Variants in SUN5 observed in about 807,000 individuals in gnomAD.
SUN5 encodes SUN domain-containing protein 5.
SUN5 carries 44 observed loss-of-function variants against 53.7 expected under a neutral mutation model. That is an observed-to-expected ratio of 0.82 (90% CI 0.64 to 1.05). The LOEUF (loss-of-function observed/expected upper bound fraction) is 1.05. Ranked by LOEUF, SUN5 falls within the 50% of genes least tolerant of loss-of-function variation. SUN5 has a pLI of 0.00. For synonymous variants in SUN5, 166 were observed against 179.8 expected (o/e 0.92, Z 0.62); for missense variants, 433 against 483.8 (o/e 0.90, Z 0.98).
intron 8 of SUN5, among the ~76,000 whole-genome samples, chr20:32,990,277 T>C (rs549847913): frequency 1.3e-5 from 2 of 152,266 alleles, no homozygotes; most frequent in East Asian, 3.9e-4. Flanking sequence ...GGTTCCAGAG[T>C]TCAGGCCCTT....
intron 5 of SUN5, among the ~76,000 whole-genome samples, chr20:32,998,270 T>C (rs1989907238): frequency 6.6e-6 from 1 of 151,794 alleles, no homozygotes; most frequent in Non-Finnish European, 1.5e-5. Context: ...GGAGGATCAC[T>C]TGTGCCAGGA....
chr20:33,001,721 T>A (rs1286436934), intron 3 of SUN5, among the ~76,000 whole-genome samples: 1 of 124,000 alleles, frequency 8.1e-6, no homozygotes, highest in African/African-American at 3.1e-5. Context: ...CAGGCTGGAG[T>A]GCAGTGGCAT....
chr20:32,988,217 C>A (rs1342469851), intron 9 of SUN5, among the ~76,000 whole-genome samples: 1 of 152,178 alleles, frequency 6.6e-6, no homozygotes, highest in Non-Finnish European at 1.5e-5. Context: ...GTGATGACGA[C>A]CGACACCCAT....
intron 4 of SUN5, 149 bp downstream of exon 4, chr20:33,001,063 G>T: frequency 1.2e-6 from 1 of 815,372 alleles, no homozygotes; most frequent in Non-Finnish European, 2.0e-6. Context: ...AGTGGGTTCT[G>T]GGGTGGGAGT....
rs979328364 is a variant in SUN5 at position 33,001,403 on chromosome 20, C to T, written c.212-125G>A. 29 of 1,059,942 alleles carry T rather than the reference C, an allele frequency of 2.7e-5. No individual in the cohort carries two copies. The Admixed American group carries it at 3.7e-4, about 13-fold the overall frequency. 65.7% of individuals were successfully genotyped at this position (1,059,942 alleles called of 1,614,324 possible). A position where few individuals can be genotyped will look rare whatever the true frequency, so the allele number is the denominator to read the frequency against. On this transcript the variant is annotated intron_variant, in intron 3 of 12. Transcript: ENST00000356173. Reference sequence around the variant, plus strand: ...TGGGAGACCCTCTCGACTTGTTGGCCGAGCCTGGGACAGAACCAGGCTCTG... The same window carrying T: ...TGGGAGACCCTCTCGACTTGTTGGCTGAGCCTGGGACAGAACCAGGCTCTG...
At chr20:32,993,677 G>C (rs1421926554) in intron 8 of SUN5, among the ~76,000 whole-genome samples, 1 of 152,176 alleles carries the variant, frequency 6.6e-6, no homozygotes, top group African/African-American at 2.4e-5. Context: ...AACACAACAA[G>C]CAAGAGATCA....
intron 9 of SUN5, among the ~76,000 whole-genome samples, chr20:32,989,358 A>G (rs1989643754): frequency 1.3e-5 from 2 of 152,152 alleles, no homozygotes; most frequent in Non-Finnish European, 2.9e-5. Flanking sequence ...AGCACATAGT[A>G]GGGTCTTTAT....
intron 1 of SUN5, among the ~76,000 whole-genome samples, chr20:33,003,989 C>T (rs899192691): frequency 6.6e-6 from 1 of 152,232 alleles, no homozygotes; most frequent in Non-Finnish European, 1.5e-5. Flanking sequence ...CATGAGGGAA[C>T]GGAGCACATC....
At chr20:32,987,615 G>T in intron 10 of SUN5, 45 bp downstream of exon 10, 1 of 1,160,470 alleles carries the variant, frequency 8.6e-7, no homozygotes, top group Non-Finnish European at 1.1e-6. Flanking sequence ...AACCCTGCCC[G>T]GACCACTCCC....
intron 11 of SUN5, 87 bp downstream of exon 11, chr20:32,985,649 C>T (rs571086807): frequency 2.3e-4 from 352 of 1,508,146 alleles, no homozygotes; most frequent in Middle Eastern, 1.8e-3. Flanking sequence ...AAGTGTTGTG[C>T]AGACACTGTT....
At chr20:32,987,349 C>A (rs570107405) in intron 10 of SUN5, among the ~76,000 whole-genome samples, 81 of 152,254 alleles carry the variant, frequency 5.3e-4, no homozygotes, top group Middle Eastern at 3.4e-3. Context: ...ATCTTAAGGG[C>A]TGAGTGGTGG....
At chr20:32,996,586 A>C (rs1989854534) in intron 6 of SUN5, among the ~76,000 whole-genome samples, 3 of 150,162 alleles carry the variant, frequency 2.0e-5, no homozygotes, top group Admixed American at 6.6e-5. Context: ...TCATCCATCC[A>C]CCCTTATACC....
chr20:33,002,855 G>T lies in SUN5; in HGVS notation c.136+6C>A, dbSNP rs776742390. The T allele has an allele frequency of 1.9e-6, 3 of 1,614,046 alleles. No individual in the cohort carries two copies. Among genetic ancestry groups the T allele is most frequent in the Non-Finnish European group, 2.5e-6 (3 of 1,180,018 alleles). On this transcript the variant is annotated splice_donor_region_variant and intron_variant, in intron 2 of 12. Transcript: ENST00000356173. The stretch of plus-strand genomic sequence containing the variant: ...TGAAAATACCAGGGCACCTGTCCTT[G>T]CTCACTCATGTTTGGGGAGGTGTCC...
In SUN5 at chr20:32,987,691, T is replaced by C. The variant is rs768189397; in HGVS notation, c.698A>G (p.Asn233Ser). The C allele has an allele frequency of 1.2e-6, 2 of 1,613,032 alleles. No homozygotes were observed. Among genetic ancestry groups the C allele is most frequent in the Non-Finnish European group, 1.7e-6 (2 of 1,179,682 alleles). ...HSYWNWIQLWNYAQPPDVILE... is the reference protein window; with the variant it reads ...HSYWNWIQLWSYAQPPDVILE... Reference sequence around the variant, plus strand: ...GATCACGTCTGGGGGCTGTGCGTAGTTCCACAGCTGGATCCAGTTCCAGTA... The same window carrying C: ...GATCACGTCTGGGGGCTGTGCGTAGCTCCACAGCTGGATCCAGTTCCAGTA... Residue 233 changes from asparagine to serine, a missense_variant, in exon 10 of 13, where the codon AAC becomes AGC. Physicochemically the swap from Asn to Ser is conservative, Grantham distance 46. Transcript: ENST00000356173.
intron 3 of SUN5, among the ~76,000 whole-genome samples, chr20:33,001,544 T>TTCTTTCTTTC (rs1990021781): frequency 7.2e-6 from 1 of 138,622 alleles, no homozygotes; most frequent in African/African-American, 3.3e-5. Flanking sequence ...CTTTCTTTCT[T>TTCTTTCTTTC]TCTTTCTTTC....
chr20:32,999,772 A>G, intron 5 of SUN5: 1 of 758,890 alleles, frequency 1.3e-6, no homozygotes, highest in South Asian at 1.9e-5. Flanking sequence ...TGCTTGGGAA[A>G]GCTAAGCTGT....
intron 8 of SUN5, among the ~76,000 whole-genome samples, chr20:32,992,287 A>G (rs559767242): frequency 6.6e-6 from 1 of 152,316 alleles, no homozygotes. Context: ...ATAATCCCCA[A>G]TTGAGAACCA....
chr20:33,001,296 A>G lies in SUN5; in HGVS notation c.212-18T>C. 1 of 1,565,814 alleles carries G rather than the reference A, an allele frequency of 6.4e-7. No homozygotes were observed. The highest frequency in any genetic ancestry group is 1.2e-5 in the South Asian group (1 of 85,102). ...GAACCAGGCTGCACGGGAGACAGAA[A>G]AGCAGTGACTCACTACGCCCTCATC... On this transcript the variant is annotated intron_variant, in intron 3 of 12. Coordinates refer to ENST00000356173, the MANE Select transcript of SUN5 (RefSeq NM_080675.4).
Position 33,001,248 on chromosome 20 carries a change from C to T in SUN5, c.242G>A (p.Arg81Lys), listed in dbSNP as rs1327321153. 6.3e-7 allele frequency: 1 copy of T among 1,578,686 alleles called. No homozygotes were observed. The highest frequency in any genetic ancestry group is 1.8e-5 in the Admixed American group (1 of 56,022). The part of the protein sequence containing the change: ...SWFTCFACSL[R>K]TQAQQVLFNT... ...AAACAGAACCTGCTGGGCCTGAGTT[C>T]TCAGGGAGCAGGCAAAACAGGTGAA... Residue 81 changes from arginine (R) to lysine (K), a missense_variant, in exon 4 of 13, where the codon AGA (arginine) becomes AAA (lysine). Coordinates refer to ENST00000356173, the MANE Select transcript of SUN5 (RefSeq NM_080675.4).
Sources: gnomAD v4.1 joint callset for allele counts (sites outside exome capture counted in the v4.1 genomes callset) on GRCh38, gnomAD v4.1.1 for gene constraint, MANE v1.5 for transcripts, NCBI Gene and HGNC (gene_info 2026-07-23, HGNC 2026-07-21) for gene names.